Variants in SCG5 observed in about 807,000 individuals in gnomAD.
The protein encoded by SCG5 is secretogranin V.
A neutral mutation model predicts 25.7 loss-of-function variants in SCG5; 18 were observed. The observed-to-expected ratio is 0.70, with a 90% CI of 0.48 to 1.04. The LOEUF is 1.04. SCG5 is among the 50% of genes least tolerant of loss of function. The probability of loss-of-function intolerance (pLI) is 0.00; values close to 1 mark genes in which losing one functional copy is unlikely to be tolerated. For missense variants in SCG5, 206 were observed against 259.8 expected, an observed-to-expected ratio of 0.79 and a Z score of 1.42; for synonymous variants, 101 against 91.7, an observed-to-expected ratio of 1.10 and a Z score of -0.58.
intron 2 of SCG5, among the ~76,000 whole-genome samples, chr15:32,657,221 T>TATATATATATATA (rs2054137243): frequency 7.2e-5 from 1 of 13,964 alleles, no homozygotes; most frequent in African/African-American, 1.7e-4. Flanking sequence ...ATGTATGTAT[T>TATATATATATATA]TCCAGGTGTA....
At chr15:32,664,356 T>G (rs1240428549) in intron 2 of SCG5, among the ~76,000 whole-genome samples, 1 of 152,180 alleles carries the variant, frequency 6.6e-6, no homozygotes, top group African/African-American at 2.4e-5. Context: ...GGAATCATAT[T>G]CAATCACCTT....
intron 2 of SCG5, among the ~76,000 whole-genome samples, chr15:32,665,309 C>T (rs2054299924): frequency 6.6e-6 from 1 of 151,338 alleles, no homozygotes; most frequent in South Asian, 2.1e-4. Flanking sequence ...GCTTCCTTAT[C>T]CAGTTGTGTT....
At chr15:32,684,942 T>G (rs954424885) in intron 4 of SCG5, among the ~76,000 whole-genome samples, 3 of 152,194 alleles carry the variant, frequency 2.0e-5, no homozygotes, top group Non-Finnish European at 4.4e-5. Flanking sequence ...TCACAGCCTG[T>G]GTCATACACA....
rs897418686 is a variant in SCG5, at chr15:32,684,794, T to C, written c.489+125T>C. 7 of 654,932 alleles carry C rather than the reference T, an allele frequency of 1.1e-5. No homozygotes were observed. The African/African-American group carries it at 1.1e-4, about 10-fold the overall frequency. 40.6% of individuals were successfully genotyped at this position (654,932 alleles called of 1,614,324 possible). On this transcript the variant is annotated intron_variant, in intron 4 of 5. Coordinates refer to ENST00000300175, the MANE Select transcript of SCG5 (RefSeq NM_001144757.3). ...TATTTAGAAGCTAATTTTTCAGAAA[T>C]CTCTGGTTGACAGAGCTTCAAGTCA...
Position 32,643,852 on chromosome 15 carries a change from G to A in SCG5, c.226+34G>A, listed in dbSNP as rs553522181. On this transcript the variant is annotated intron_variant, in intron 2 of 5. Coordinates refer to ENST00000300175, the MANE Select transcript of SCG5 (RefSeq NM_001144757.3). ...TGTGTTCTGATGGTTTGAAGTTTCC[G>A]TTAGCATTTTAAATAATATATTTGC... The A allele has an allele frequency of 5.6e-5, 88 of 1,560,972 alleles. No homozygotes were observed. In the East Asian group the frequency reaches 1.3e-3, roughly 23 times the overall value.
chr15:32,659,270 A>G (rs2140521541), intron 2 of SCG5, among the ~76,000 whole-genome samples: 1 of 152,328 alleles, frequency 6.6e-6, no homozygotes, highest in South Asian at 2.1e-4. Context: ...GTGCCGGATC[A>G]TCTGTGAAAT....
chr15:32,672,660 C>T (rs1396112024), intron 2 of SCG5, among the ~76,000 whole-genome samples: 5 of 152,092 alleles, frequency 3.3e-5, no homozygotes, highest in Non-Finnish European at 5.9e-5. Flanking sequence ...CTTTGGAAGA[C>T]GGAAACGCAC....
At chr15:32,673,527 C>CGTGTGTGTGTGTGT (rs55968956) in intron 2 of SCG5, among the ~76,000 whole-genome samples, 6,490 of 134,806 alleles carry the variant, frequency 0.048, 409 homozygotes, top group African/African-American at 0.13. Context: ...ATAAGATCCC[C>CGTGTGTGTGTGTGT]GTGTGTGTGT....
intron 2 of SCG5, among the ~76,000 whole-genome samples, chr15:32,663,048 T>TATA: frequency 3.5e-5 from 1 of 28,638 alleles, no homozygotes; most frequent in South Asian, 1.6e-3. Context: ...TATATATATA[T>TATA]ATATATATAT....
intron 2 of SCG5, among the ~76,000 whole-genome samples, chr15:32,660,274 C>T (rs1215176819): frequency 6.6e-6 from 1 of 152,164 alleles, no homozygotes. Context: ...TTGCTCTCAG[C>T]TTGCCAGATC....
chr15:32,652,930 C>A (rs2054056819), intron 2 of SCG5, among the ~76,000 whole-genome samples: 1 of 152,134 alleles, frequency 6.6e-6, no homozygotes, highest in African/African-American at 2.4e-5. Context: ...AAAGTGTCAT[C>A]TTTGTCTATT....
At chr15:32,693,704 G>A (rs2054904897) in intron 5 of SCG5, among the ~76,000 whole-genome samples, 1 of 152,178 alleles carries the variant, frequency 6.6e-6, no homozygotes, top group African/African-American at 2.4e-5. Flanking sequence ...AATCCCAGTG[G>A]TTCTTCCAGT....
intron 2 of SCG5, among the ~76,000 whole-genome samples, chr15:32,663,902 A>G (rs565954190): frequency 6.6e-6 from 1 of 152,324 alleles, no homozygotes; most frequent in East Asian, 1.9e-4. Flanking sequence ...ATGTCAGACT[A>G]TCATCTTTGA....
intron 2 of SCG5, among the ~76,000 whole-genome samples, chr15:32,671,071 C>A (rs532930520): frequency 2.0e-5 from 3 of 152,112 alleles, no homozygotes; most frequent in Admixed American, 6.5e-5. Flanking sequence ...AGCATGTTAT[C>A]CCCGGGTTAA....
At chr15:32,677,670 G>A (rs1196902849) in intron 2 of SCG5, 1 of 152,180 alleles carries the variant, frequency 6.6e-6, no homozygotes, top group Non-Finnish European at 1.5e-5. Flanking sequence ...AGCCTTTCCT[G>A]TATTGGTCTG....
intron 5 of SCG5, 82 bp downstream of exon 5, chr15:32,691,845 GT>G (rs766929161): frequency 1.3e-6 from 2 of 1,563,536 alleles, no homozygotes; most frequent in South Asian, 2.4e-5. Context: ...ACCCTCGCTT[GT>G]TGGGAAGTCA....
intron 2 of SCG5, among the ~76,000 whole-genome samples, chr15:32,654,388 AG>A (rs2054081104): frequency 6.6e-6 from 1 of 152,196 alleles, no homozygotes; most frequent in Non-Finnish European, 1.5e-5. Flanking sequence ...ATTGGGGATT[AG>A]GCTTCAACAT....
chr15:32,691,166 T>C (rs2054848261), intron 4 of SCG5, among the ~76,000 whole-genome samples: 2 of 152,280 alleles, frequency 1.3e-5, no homozygotes, highest in Middle Eastern at 3.4e-3. Context: ...TTTTGGCAGT[T>C]TTTAAAAGGT....
chr15:32,673,464 G>A (rs966096791), intron 2 of SCG5, among the ~76,000 whole-genome samples: 1 of 151,204 alleles, frequency 6.6e-6, no homozygotes, highest in Admixed American at 6.6e-5. Flanking sequence ...AGCTTGTGAG[G>A]AATGCAGAAT....
Sources: allele counts gnomAD v4.1 joint callset (sites outside exome capture counted in the v4.1 genomes callset), GRCh38; gene constraint gnomAD v4.1.1; transcripts MANE v1.5; gene names NCBI Gene and HGNC (gene_info 2026-07-23, HGNC 2026-07-21).